KCTD8: variants seen among roughly 807,000 people sequenced by gnomAD.
KCTD8 encodes the protein potassium channel tetramerization domain containing 8, also known as BTB/POZ domain-containing protein KCTD8.
A neutral mutation model predicts 31.5 loss-of-function variants in KCTD8; 27 were observed. The ratio of observed to expected loss-of-function variants is 0.86; its 90% CI spans 0.63 to 1.18. The LOEUF (loss-of-function observed/expected upper bound fraction) is 1.18. KCTD8 is among the 50% of genes most tolerant of loss of function. The pLI, the probability that KCTD8 is intolerant of heterozygous loss-of-function variation, is 0.00. For missense variants in KCTD8, 658 were observed against 647.7 expected (o/e 1.02, Z -0.17); for synonymous variants, 290 against 280.0 (o/e 1.04, Z -0.36).
At chr4:44,220,802 C>A (rs892049339) in intron 1 of KCTD8, among the ~76,000 whole-genome samples, 1 of 152,110 alleles carries the variant, frequency 6.6e-6, no homozygotes, top group African/African-American at 2.4e-5. Context: ...AGGATGAATT[C>A]TCTATCTCCC....
At chr4:44,193,273 A>G (rs1713819386) in intron 1 of KCTD8, among the ~76,000 whole-genome samples, 1 of 152,182 alleles carries the variant, frequency 6.6e-6, no homozygotes, top group African/African-American at 2.4e-5. Flanking sequence ...ATAACTTCAT[A>G]AAGTAGAGGC....
At chr4:44,261,519 C>T (rs1355658287) in intron 1 of KCTD8, among the ~76,000 whole-genome samples, 1 of 151,924 alleles carries the variant, frequency 6.6e-6, no homozygotes, top group Non-Finnish European at 1.5e-5. Flanking sequence ...AGTCATCATG[C>T]TATACATTAG....
intron 1 of KCTD8, among the ~76,000 whole-genome samples, chr4:44,320,170 C>CA (rs35250421): frequency 0.2 from 6,358 of 31,882 alleles, 1,756 homozygotes; most frequent in Non-Finnish European, 0.22. Context: ...GCCTCCATCT[C>CA]AAAAAAAAAA....
chr4:44,321,701 C>T (rs1718300220), intron 1 of KCTD8, among the ~76,000 whole-genome samples: 1 of 152,056 alleles, frequency 6.6e-6, no homozygotes, highest in South Asian at 2.1e-4. Context: ...GAACTCATTC[C>T]CTTTCTCTAA....
rs560804455 is a variant in KCTD8 at position 44,193,994 on chromosome 4, C to T, written c.962-18744G>A. On this transcript the variant is annotated intron_variant, in intron 1 of 1. Transcript: ENST00000360029. ...TAGATGAGATGTAGAGGGAATATAA[C>T]AGAGAAAGAATAGAGAGGATGAATC... 2.6e-5 allele frequency among the ~76,000 whole-genome samples: 4 copies of T among 152,160 alleles called. No homozygotes were observed. In the East Asian group the frequency reaches 7.7e-4, roughly 29 times the overall value.
chr4:44,326,226 C>G (rs937060155), intron 1 of KCTD8, among the ~76,000 whole-genome samples: 3 of 151,582 alleles, frequency 2.0e-5, no homozygotes, highest in African/African-American at 7.3e-5. Context: ...ACTTATATTA[C>G]TTTATATTTT....
intron 1 of KCTD8, among the ~76,000 whole-genome samples, chr4:44,209,543 C>T (rs543783705): frequency 6.6e-6 from 1 of 151,200 alleles, no homozygotes; most frequent in Non-Finnish European, 1.5e-5. Flanking sequence ...CCACACACAC[C>T]CCCACCCACA....
At chr4:44,358,060 C>A (rs1423329846) in intron 1 of KCTD8, among the ~76,000 whole-genome samples, 3 of 151,882 alleles carry the variant, frequency 2.0e-5, no homozygotes, top group African/African-American at 7.3e-5. Context: ...CCCCCCACCC[C>A]CCAAAGCCCA....
At chr4:44,186,350 TC>T (rs1324277177) in intron 1 of KCTD8, among the ~76,000 whole-genome samples, 1 of 152,162 alleles carries the variant, frequency 6.6e-6, no homozygotes, top group East Asian at 1.9e-4. Flanking sequence ...TGGCTCCCCA[TC>T]CATCTGCAGA....
At chr4:44,429,807 G>A (rs374206248) in intron 1 of KCTD8, among the ~76,000 whole-genome samples, 1 of 151,646 alleles carries the variant, frequency 6.6e-6, no homozygotes, top group Non-Finnish European at 1.5e-5. Context: ...AGCATGGAAT[G>A]GAATAACTGT....
Position 44,268,869 on chromosome 4 carries a change from C to T in KCTD8, c.962-93619G>A, listed in dbSNP as rs543235844. On this transcript the variant is annotated intron_variant, in intron 1 of 1. Coordinates refer to ENST00000360029, the MANE Select transcript of KCTD8 (RefSeq NM_198353.3). ...GACCTCTTCAAGGAGAACTACAAAC[C>T]ACTGCTCAATGAAATAAAAGAGGAT... Among the ~76,000 whole-genome samples the T allele has an allele frequency of 7.3e-4, 111 of 152,134 alleles. 1 individual carries two copies. The highest frequency in any genetic ancestry group is 2.7e-3 in the African/African-American group (110 of 41,490).
intron 1 of KCTD8, among the ~76,000 whole-genome samples, chr4:44,403,613 T>G (rs1430528765): frequency 2.0e-5 from 3 of 152,072 alleles, no homozygotes; most frequent in Non-Finnish European, 2.9e-5. Context: ...GTAAACATAT[T>G]AGGTGTCTTT....
intron 1 of KCTD8, among the ~76,000 whole-genome samples, chr4:44,416,363 A>C (rs1234955130): frequency 6.6e-6 from 1 of 152,066 alleles, no homozygotes; most frequent in Non-Finnish European, 1.5e-5. Flanking sequence ...ATGAGTTAAG[A>C]CTTTAGGGGA....
At chr4:44,378,794 C>T (rs887549678) in intron 1 of KCTD8, among the ~76,000 whole-genome samples, 14 of 152,080 alleles carry the variant, frequency 9.2e-5, no homozygotes, top group Non-Finnish European at 2.1e-4. Flanking sequence ...TTACAATAAA[C>T]TTGGTATCTT....
intron 1 of KCTD8, among the ~76,000 whole-genome samples, chr4:44,388,677 A>G (rs1213421017): frequency 1.3e-5 from 2 of 151,636 alleles, no homozygotes; most frequent in African/African-American, 4.8e-5. Flanking sequence ...CACATAGAGG[A>G]AAATGACACA....
Position 44,317,759 on chromosome 4 carries a change from G to A in KCTD8, c.961+129804C>T, listed in dbSNP as rs561174664. 6.2e-4 allele frequency among the ~76,000 whole-genome samples: 95 copies of A among 152,180 alleles called. 1 individual carries two copies. The highest frequency in any genetic ancestry group is 2.1e-3 in the African/African-American group (89 of 41,508). The stretch of plus-strand genomic sequence containing the variant: ...AAAATTGCAATCTCTGGCATAAATG[G>A]GTTAAAAAGTTTGCCAACTCTTGAT... On this transcript the variant is annotated intron_variant, in intron 1 of 1. Transcript: ENST00000360029.
intron 1 of KCTD8, among the ~76,000 whole-genome samples, chr4:44,352,794 T>C (rs1358364762): frequency 6.6e-6 from 1 of 151,900 alleles, no homozygotes; most frequent in African/African-American, 2.4e-5. Flanking sequence ...GGCACCTTTA[T>C]GTAACACCTC....
chr4:44,274,833 C>T (rs1286347252), intron 1 of KCTD8, among the ~76,000 whole-genome samples: 1 of 144,360 alleles, frequency 6.9e-6, no homozygotes, highest in Non-Finnish European at 1.5e-5. Context: ...TGCTATAAAG[C>T]AAAAAAAAAA....
At chr4:44,405,701 C>A (rs941975863) in intron 1 of KCTD8, among the ~76,000 whole-genome samples, 2 of 151,612 alleles carry the variant, frequency 1.3e-5, no homozygotes, top group Non-Finnish European at 2.9e-5. Flanking sequence ...ATTGTGTTAT[C>A]CACTTTTATC....
Sources: allele counts gnomAD v4.1 joint callset (sites outside exome capture counted in the v4.1 genomes callset), GRCh38; gene constraint gnomAD v4.1.1; transcripts MANE v1.5; gene names NCBI Gene and HGNC (gene_info 2026-07-23, HGNC 2026-07-21).